FRAS1: variants seen among roughly 807,000 people sequenced by gnomAD.
FRAS1 encodes extracellular matrix organizing protein FRAS1.
In FRAS1, 290 loss-of-function variants were observed where a neutral mutation model predicts 435.2. That is an observed-to-expected ratio of 0.67 (90% confidence interval 0.61 to 0.73). The LOEUF is 0.73. FRAS1 is among the 30% of genes least tolerant of loss of function. The pLI, the probability that FRAS1 is intolerant of heterozygous loss-of-function variation, is 0.00. For missense variants in FRAS1, 4,860 were observed against 5,001.5 expected (o/e 0.97, Z 0.85); for synonymous variants, 1,800 against 1,851.0 (o/e 0.97, Z 0.71).
chr4:78,220,156 A>T (rs1399159198), intron 2 of FRAS1, among the ~76,000 whole-genome samples: 2 of 152,196 alleles, frequency 1.3e-5, no homozygotes, highest in African/African-American at 4.8e-5. Context: ...CCTTTGAATG[A>T]TACAGACACA....
Position 78,541,439 on chromosome 4 carries a change from A to T in FRAS1, c.*315A>T, listed in dbSNP as rs981518186. The T allele has an allele frequency of 5.2e-6, 1 of 191,588 alleles. No individual in the cohort carries two copies. The highest frequency in any genetic ancestry group is 2.3e-5 in the African/African-American group (1 of 43,156). The allele number at this position is 191,588 out of a possible 1,614,324, so 11.9% of individuals were successfully genotyped here. A position where few individuals can be genotyped will look rare whatever the true frequency, so the allele number is the denominator to read the frequency against. ...AGGAGTTGAACAATTAGGTTAGCAG[A>T]TGGAGATGAGAGGACTGGGTAGAGT... is the stretch of plus-strand genomic sequence containing the variant. On this transcript the variant is annotated 3_prime_UTR_variant, in exon 74 of 74. Transcript: ENST00000512123.
chr4:78,344,677 G>A (rs947759777), intron 20 of FRAS1, among the ~76,000 whole-genome samples: 2 of 152,040 alleles, frequency 1.3e-5, no homozygotes, highest in South Asian at 2.1e-4. Context: ...AAATAGAGTG[G>A]CTCGGAGAGG....
chr4:78,491,131 C>A (rs1423884624), intron 59 of FRAS1, among the ~76,000 whole-genome samples: 1 of 152,088 alleles, frequency 6.6e-6, no homozygotes, highest in African/African-American at 2.4e-5. Context: ...CCTGAATAGA[C>A]CAGTAACAAG....
At chr4:78,183,732 T>TTG (rs3974339) in intron 2 of FRAS1, among the ~76,000 whole-genome samples, 12,795 of 136,896 alleles carry the variant, frequency 0.093, 568 homozygotes, top group Middle Eastern at 0.14. Flanking sequence ...TTCATTCTCT[T>TTG]TGTGTGTGTG....
chr4:78,314,750 C>T (rs1053897011), intron 15 of FRAS1, among the ~76,000 whole-genome samples: 1 of 152,198 alleles, frequency 6.6e-6, no homozygotes, highest in African/African-American at 2.4e-5. Context: ...TTTGCTGCCT[C>T]AGCCTGGAGT....
At chr4:78,223,599 T>G (rs966415975) in intron 2 of FRAS1, among the ~76,000 whole-genome samples, 1 of 152,122 alleles carries the variant, frequency 6.6e-6, no homozygotes, top group Non-Finnish European at 1.5e-5. Context: ...TGGGAACATA[T>G]GGTATAGGTA....
chr4:78,117,577 C>G (rs922613847), intron 2 of FRAS1, among the ~76,000 whole-genome samples: 2 of 152,146 alleles, frequency 1.3e-5, no homozygotes, highest in African/African-American at 4.8e-5. Context: ...TCATTTCATT[C>G]ATTTGCTCTT....
chr4:78,367,546 T>C (rs1731325700), intron 22 of FRAS1, among the ~76,000 whole-genome samples: 1 of 152,152 alleles, frequency 6.6e-6, no homozygotes, highest in South Asian at 2.1e-4. Flanking sequence ...ATTTTGCAGC[T>C]CTATGTCAAG....
At chr4:78,329,362 A>G (rs1037192431) in intron 18 of FRAS1, among the ~76,000 whole-genome samples, 4 of 152,338 alleles carry the variant, frequency 2.6e-5, no homozygotes, top group Admixed American at 6.5e-5. Context: ...CATTTAATTA[A>G]TGAAGTGCTA....
intron 24 of FRAS1, 129 bp downstream of exon 24, chr4:78,372,987 A>G (rs563090842): frequency 8.8e-6 from 9 of 1,024,324 alleles, no homozygotes; most frequent in African/African-American, 1.6e-5. Context: ...TTTCTTTCCT[A>G]AGAGCTATCT....
chr4:78,526,641 G>C lies in FRAS1; in HGVS notation c.10909G>C (p.Ala3637Pro). ...AGGAGAGAAGCCTTTGGCCTGCACT[G>C]CACATGCCCCAGAAAGGTAGGAAAA... ...DPGEKPLACTAHAPERFLIPI... is the reference protein window; with the variant it reads ...DPGEKPLACTPHAPERFLIPI... The change falls in exon 70 of 74, where the codon GCA becomes CCA. Residue 3637 changes from alanine to proline, a missense_variant. Ala to Pro is a conservative substitution (Grantham distance 27). Transcript: ENST00000512123. The C allele has an allele frequency of 6.3e-7, 1 of 1,575,884 alleles. No homozygotes were observed.
At chr4:78,085,509 C>G (rs996918592) in intron 2 of FRAS1, among the ~76,000 whole-genome samples, 1 of 152,096 alleles carries the variant, frequency 6.6e-6, no homozygotes, top group Non-Finnish European at 1.5e-5. Context: ...GATGACAGAG[C>G]TGTAGGCAGC....
chr4:78,057,806 G>A lies in FRAS1; in HGVS notation c.-204G>A. 1.8e-6 allele frequency: 1 copy of A among 563,396 alleles called. No individual in the cohort carries two copies. Among genetic ancestry groups the A allele is most frequent in the Non-Finnish European group, 3.2e-6 (1 of 317,282 alleles). The allele number at this position is 563,396 out of a possible 1,614,324, so 34.9% of individuals were successfully genotyped here. A position where few individuals can be genotyped will look rare whatever the true frequency, so the allele number is the denominator to read the frequency against. On this transcript the variant is annotated 5_prime_UTR_variant, in exon 1 of 74. The change creates a new upstream start codon in the 5' untranslated region. Coordinates refer to ENST00000512123, the MANE Select transcript of FRAS1 (RefSeq NM_025074.7). This position sits in a 1 kb window ranked among gnomAD's most constrained non-coding sequence, Gnocchi z 4.2. Reference sequence around the variant, plus strand: ...GGCGCGCTCTCTGCCTGAGCAGCGAGTGAATTGAACCCCAGCCCGCTCCGG... The same window carrying A: ...GGCGCGCTCTCTGCCTGAGCAGCGAATGAATTGAACCCCAGCCCGCTCCGG...
chr4:78,514,508 G>A (rs982722298), intron 65 of FRAS1, among the ~76,000 whole-genome samples: 1 of 152,206 alleles, frequency 6.6e-6, no homozygotes, highest in Non-Finnish European at 1.5e-5. Context: ...TCTTTATACA[G>A]TAGAAATTAG....
intron 2 of FRAS1, among the ~76,000 whole-genome samples, chr4:78,120,883 G>C (rs546788872): frequency 1.3e-5 from 2 of 152,108 alleles, no homozygotes; most frequent in African/African-American, 4.8e-5. Flanking sequence ...TGATACAGGT[G>C]GGGGGGATGG....
At chr4:78,260,062 A>C (rs1189916210) in intron 6 of FRAS1, among the ~76,000 whole-genome samples, 1 of 151,928 alleles carries the variant, frequency 6.6e-6, no homozygotes, top group Non-Finnish European at 1.5e-5. Context: ...ATTGATCTAT[A>C]TCTCTGTTTT....
chr4:78,067,672 T>A (rs1177815719), intron 2 of FRAS1, among the ~76,000 whole-genome samples: 1 of 125,750 alleles, frequency 8.0e-6, no homozygotes, highest in African/African-American at 3.1e-5. Flanking sequence ...TTTTCTTTCT[T>A]TTATTATTAT....
At chr4:78,263,901 G>C (rs1726231469) in intron 6 of FRAS1, among the ~76,000 whole-genome samples, 1 of 152,196 alleles carries the variant, frequency 6.6e-6, no homozygotes, top group South Asian at 2.1e-4. Context: ...AAGAATTGCT[G>C]AGGTATGACT....
At chr4:78,130,937 C>T (rs1001863009) in intron 2 of FRAS1, among the ~76,000 whole-genome samples, 13 of 152,166 alleles carry the variant, frequency 8.5e-5, no homozygotes, top group African/African-American at 2.9e-4. Flanking sequence ...TTGCCTGATG[C>T]TTTACTGTTA....
Sources: allele counts gnomAD v4.1 joint callset (sites outside exome capture counted in the v4.1 genomes callset), GRCh38; gene constraint gnomAD v4.1.1; non-coding constraint Gnocchi (gnomAD v3.1); transcripts MANE v1.5; gene names NCBI Gene and HGNC (gene_info 2026-07-23, HGNC 2026-07-21).